MICAL2: variants seen among roughly 807,000 people sequenced by gnomAD.
MICAL2 encodes [F-actin]-monooxygenase MICAL2.
A neutral mutation model predicts 127.3 loss-of-function variants in MICAL2; 77 were observed. That is an observed-to-expected ratio of 0.60 (90% CI 0.50 to 0.73). The LOEUF (loss-of-function observed/expected upper bound fraction) is 0.73, where lower values mean the gene tolerates loss of function less well. Among genes scored for constraint, MICAL2 ranks in the 30% least tolerant of loss-of-function variants. The pLI is 0.00. For synonymous variants in MICAL2, 570 were observed against 551.1 expected, an observed-to-expected ratio of 1.03 and a Z score of -0.48; for missense variants, 1,351 against 1,434.4, an observed-to-expected ratio of 0.94 and a Z score of 0.94.
intron 4 of MICAL2, among the ~76,000 whole-genome samples, chr11:12,204,928 A>AAGGAGTTTG (rs1017950744): frequency 6.6e-6 from 1 of 152,238 alleles, no homozygotes; most frequent in African/African-American, 2.4e-5. Flanking sequence ...CAGATAGTCA[A>AAGGAGTTTG]GACCTTCCAT....
chr11:12,349,811 C>G lies in MICAL2; in HGVS notation c.5516-27C>G, dbSNP rs368629201. 2.5e-4 allele frequency: 407 copies of G among 1,607,450 alleles called. 2 individuals are homozygous for G. In the South Asian group the frequency reaches 4.3e-3, roughly 17 times the overall value. ...CATGGGGAGAGAAATGCCAATCTAA[C>G]CCATTTGCTGTTGATTTCTTAAGCA... On this transcript the variant is annotated intron_variant, in intron 32 of 34. Coordinates refer to the MICAL2 transcript ENST00000646065.
intron 2 of MICAL2, among the ~76,000 whole-genome samples, chr11:12,142,383 G>T (rs557162314): frequency 6.6e-6 from 1 of 152,322 alleles, no homozygotes; most frequent in African/African-American, 2.4e-5. Context: ...GGAAATGAAG[G>T]CTATAAGATG....
chr11:12,216,305 G>A lies in MICAL2; in HGVS notation c.934G>A (p.Gly312Ser), dbSNP rs767819189. 2.5e-6 allele frequency: 4 copies of A among 1,613,586 alleles called. No individual in the cohort carries two copies. In the African/African-American group the frequency reaches 4.0e-5, roughly 16 times the overall value. ...CAAGAAGCAGAGCCTGCTCGACAAA[G>A]GTGTCATCATTAACGTACGTACCTC... Reference protein sequence around the residue: ...TAKKQSLLDKGVIINDYIDTE... With the variant: ...TAKKQSLLDKSVIINDYIDTE... The change falls in exon 8 of 28, where the codon GGT (glycine) becomes AGT (serine). Residue 312 changes from glycine to serine, a missense_variant. Transcript: ENST00000683283.
intron 3 of MICAL2, among the ~76,000 whole-genome samples, chr11:12,198,573 G>A (rs1860246111): frequency 6.6e-6 from 1 of 152,162 alleles, no homozygotes; most frequent in African/African-American, 2.4e-5. Context: ...TAAGTGGCTG[G>A]TACTGAGAGC....
At chr11:12,340,693 A>G (rs753064620) in intron 32 of MICAL2, among the ~76,000 whole-genome samples, 21 of 152,238 alleles carry the variant, frequency 1.4e-4, no homozygotes, top group Non-Finnish European at 2.9e-4. Context: ...CGAATGTTAT[A>G]TATACAGCAG....
chr11:12,261,580 G>C, intron 26 of MICAL2: 3 of 985,534 alleles, frequency 3.0e-6, no homozygotes, highest in Non-Finnish European at 3.6e-6. Context: ...AGATAGCTCT[G>C]TGGAGTTATC....
chr11:12,230,090 C>G (rs953139563), intron 15 of MICAL2, among the ~76,000 whole-genome samples: 1 of 152,222 alleles, frequency 6.6e-6, no homozygotes, highest in Non-Finnish European at 1.5e-5. Context: ...TGAAATACCT[C>G]TGCATTCTGT....
intron 2 of MICAL2, among the ~76,000 whole-genome samples, chr11:12,156,746 G>A (rs1489264404): frequency 1.3e-5 from 2 of 152,232 alleles, no homozygotes; most frequent in African/African-American, 2.4e-5. Context: ...TGCACCAGGT[G>A]TGGAAGGCAT....
chr11:12,130,946 G>A (rs890072060), intron 1 of MICAL2, among the ~76,000 whole-genome samples: 28 of 152,172 alleles, frequency 1.8e-4, no homozygotes, highest in Admixed American at 1.4e-3. Context: ...CCTCTGTGAT[G>A]GTCGCATGAC....
chr11:12,227,198 T>A (rs556855480), intron 15 of MICAL2, 67 bp downstream of exon 15: 1 of 1,155,832 alleles, frequency 8.7e-7, no homozygotes, highest in African/African-American at 1.5e-5. Flanking sequence ...GAACGGAGAT[T>A]GTCACATTCT....
chr11:12,118,938 C>T (rs1219801560), intron 1 of MICAL2, among the ~76,000 whole-genome samples: 1 of 152,148 alleles, frequency 6.6e-6, no homozygotes. Context: ...ATGGAGTCCT[C>T]TGGATGGCTT....
chr11:12,221,737 C>G lies in MICAL2; in HGVS notation c.1300C>G (p.Pro434Ala). The G allele has an allele frequency of 6.2e-7, 1 of 1,613,430 alleles. No individual in the cohort carries two copies. The highest frequency in any genetic ancestry group is 1.3e-5 in the African/African-American group (1 of 75,000). The change falls in exon 10 of 28, where the codon CCC becomes GCC. Residue 434 changes from proline to alanine, a missense_variant. By Grantham distance (27) the Pro-to-Ala change is conservative. This residue lies in a region of MICAL2 where 599 missense variants were observed against 714.9 expected (regional missense o/e 0.84). Coordinates refer to ENST00000683283, the MANE Select transcript of MICAL2 (RefSeq NM_001282663.2). ...MVKSWNQGTP[P>A]LELLAERESL... is the part of the protein sequence containing the mutation. ...GAAGAGCTGGAACCAGGGCACCCCTCCCCTGGAGCTGCTGGCTGAAAGGTG... is the reference window on the plus strand; with the variant it reads ...GAAGAGCTGGAACCAGGGCACCCCTGCCCTGGAGCTGCTGGCTGAAAGGTG...
downstream of MICAL2, among the ~76,000 whole-genome samples, chr11:12,360,895 T>TAAAA (rs1305284220): frequency 1.8e-4 from 27 of 152,280 alleles, 1 homozygote; most frequent in East Asian, 4.8e-3. Context: ...TTTCAACATT[T>TAAAA]CCAATGGACA....
At chr11:12,264,309 A>G (rs1863511577), downstream of MICAL2, among the ~76,000 whole-genome samples, 1 of 152,206 alleles carries the variant, frequency 6.6e-6, no homozygotes, top group Non-Finnish European at 1.5e-5. Context: ...TGTGCTCATC[A>G]GATGGAGAGC....
At chr11:12,285,012 G>T (rs1863809604) in intron 2 of MICAL2, among the ~76,000 whole-genome samples, 1 of 152,216 alleles carries the variant, frequency 6.6e-6, no homozygotes, top group South Asian at 2.1e-4. Context: ...CTGTACAGGA[G>T]ACCAGAATTT....
chr11:12,118,420 G>A (rs950262208), intron 1 of MICAL2, among the ~76,000 whole-genome samples: 2 of 152,202 alleles, frequency 1.3e-5, no homozygotes, highest in African/African-American at 4.8e-5. Flanking sequence ...ATGTCCTGGT[G>A]CCTGTTCCCC....
At position 12,229,666 on chromosome 11, in the gene MICAL2, C is replaced by T. The variant is rs141891667; in HGVS notation, c.1995+2535C>T. ...CAGAATTGAAACAGCCTGGCCAGCA[C>T]TGGCTTGGGAGCTGGGGATGGTTAA... On this transcript the variant is annotated intron_variant, in intron 15 of 27. Transcript: ENST00000683283. Among the ~76,000 whole-genome samples, 280 of 152,372 alleles carry T rather than the reference C, an allele frequency of 1.8e-3. 1 individual carries two copies. Among genetic ancestry groups the T allele is most frequent in the Non-Finnish European group, 2.9e-3 (196 of 68,044 alleles).
intron 3 of MICAL2, among the ~76,000 whole-genome samples, chr11:12,176,679 C>G (rs1291162429): frequency 6.6e-6 from 1 of 152,162 alleles, no homozygotes; most frequent in African/African-American, 2.4e-5. Context: ...TTCTTTCTGT[C>G]TCTATGAATT....
intron 32 of MICAL2, chr11:12,327,286 C>T (rs375091483): frequency 4.5e-6 from 7 of 1,542,930 alleles, no homozygotes; most frequent in Non-Finnish European, 6.1e-6. Flanking sequence ...CCCAGCAGAT[C>T]CGGAGCAGTG....
Sources: allele counts gnomAD v4.1 joint callset (sites outside exome capture counted in the v4.1 genomes callset), GRCh38; gene constraint gnomAD v4.1.1; regional missense constraint gnomAD v4.1.1; transcripts MANE v1.5; gene names NCBI Gene and HGNC (gene_info 2026-07-23, HGNC 2026-07-21).